Variants in LYST observed in about 807,000 individuals in gnomAD.
The protein encoded by LYST is lysosomal trafficking regulator.
In LYST, 192 loss-of-function variants were observed where a neutral mutation model predicts 413.6. That is an observed-to-expected ratio of 0.46 (90% CI 0.41 to 0.52). LYST has a LOEUF of 0.52. LYST is among the 20% of genes least tolerant of loss of function. The pLI is 0.00. For missense variants in LYST, 3,815 were observed against 4,499.9 expected (o/e 0.85, Z 4.35); for synonymous variants, 1,525 against 1,567.3 (o/e 0.97, Z 0.64).
chr1:235,720,851 C>A lies in LYST; in HGVS notation c.9370G>T (p.Glu3124Ter). ...GTCAGAGCGGTGATGTTACCATATT[C>A]CAGAAGATTAGGGAGGTTATTTGTG... ...ILTNNLPNLL[E>*]YGNITALTNL... Residue 3124 changes from glutamate to a stop codon, truncating the protein, a stop_gained, in exon 40 of 53, where the codon GAA becomes TAA. Coordinates refer to ENST00000389793, the MANE Select transcript of LYST (RefSeq NM_000081.4). LOFTEE classifies it high-confidence loss of function. 6.2e-7 allele frequency: 1 copy of A among 1,613,430 alleles called. No individual in the cohort carries two copies. The highest frequency in any genetic ancestry group is 8.5e-7 in the Non-Finnish European group (1 of 1,179,476).
intron 1 of LYST, among the ~76,000 whole-genome samples, chr1:235,846,590 A>C (rs1677907058): frequency 6.6e-6 from 1 of 152,194 alleles, no homozygotes; most frequent in Admixed American, 6.5e-5. Context: ...GGGACCAGAG[A>C]AAGGTGAAGC....
At chr1:235,707,387 G>A (rs1463035590) in intron 44 of LYST, among the ~76,000 whole-genome samples, 1 of 152,162 alleles carries the variant, frequency 6.6e-6, no homozygotes, top group Non-Finnish European at 1.5e-5. Context: ...AGCACTTTGG[G>A]AGGCTGAGGT....
intron 26 of LYST, among the ~76,000 whole-genome samples, chr1:235,752,642 T>TA (rs1469216081): frequency 1.3e-5 from 2 of 152,070 alleles, no homozygotes; most frequent in Non-Finnish European, 2.9e-5. Context: ...TTTTTAGGAC[T>TA]AAAAGAGGTA....
At position 235,808,911 on chromosome 1, in the gene LYST, G is replaced by A. The variant is rs201461433; in HGVS notation, c.1907C>T (p.Ala636Val). The A allele has an allele frequency of 1.2e-6, 2 of 1,612,534 alleles. No individual in the cohort carries two copies. The highest frequency in any genetic ancestry group is 2.2e-5 in the East Asian group (1 of 44,856). The change falls in exon 5 of 53, where the codon GCT (alanine) becomes GTT (valine). Residue 636 changes from alanine (A) to valine (V), a missense_variant. Transcript: ENST00000389793. The part of the protein sequence containing the change: ...AEISPKIKKA[A>V]CNICTVDSDQ... ...AGAGTCAACAGTACAAATATTACAA[G>A]CTGCTTTTTTAATTTTTGGTGATAT...
intron 1 of LYST, among the ~76,000 whole-genome samples, chr1:235,850,005 T>C (rs142973884): frequency 1.5e-4 from 23 of 151,934 alleles, no homozygotes; most frequent in African/African-American, 5.6e-4. Flanking sequence ...CTATCATTCT[T>C]CACAGAATTA....
At chr1:235,702,614 G>C in intron 45 of LYST, 133 bp downstream of exon 45, 1 of 771,356 alleles carries the variant, frequency 1.3e-6, no homozygotes, top group East Asian at 2.6e-5. Context: ...TGCTTTCGCT[G>C]CTGCACCTGT....
intron 31 of LYST, chr1:235,738,292 C>G: frequency 1.2e-6 from 2 of 1,611,704 alleles, no homozygotes; most frequent in Non-Finnish European, 1.7e-6. Context: ...ACGGCTGAGG[C>G]ACATCGCAAG....
intron 45 of LYST, among the ~76,000 whole-genome samples, chr1:235,699,889 CA>C (rs1288577943): frequency 6.6e-6 from 1 of 152,144 alleles, no homozygotes; most frequent in Admixed American, 6.6e-5. Context: ...CCAACACAGA[CA>C]TATAGACCAA....
chr1:235,768,608 A>G (rs1668360682), intron 20 of LYST, among the ~76,000 whole-genome samples: 2 of 152,064 alleles, frequency 1.3e-5, no homozygotes, highest in African/African-American at 4.8e-5. Context: ...ACATGTAAAG[A>G]AAAAAATTTG....
At chr1:235,671,450 A>G (rs1433819805) in intron 50 of LYST, among the ~76,000 whole-genome samples, 1 of 152,180 alleles carries the variant, frequency 6.6e-6, no homozygotes, top group Non-Finnish European at 1.5e-5. Context: ...ACTGATTTGT[A>G]TATGTTGAAT....
intron 10 of LYST, among the ~76,000 whole-genome samples, chr1:235,796,802 C>A (rs1321280161): frequency 6.6e-6 from 1 of 152,218 alleles, no homozygotes; most frequent in Non-Finnish European, 1.5e-5. Context: ...AAATAAATTT[C>A]TGTTCATTAC....
intron 50 of LYST, among the ~76,000 whole-genome samples, chr1:235,668,969 T>G (rs1301901650): frequency 6.6e-6 from 1 of 152,260 alleles, no homozygotes; most frequent in Non-Finnish European, 1.5e-5. Flanking sequence ...ATCTGAAATC[T>G]AATCATGACT....
chr1:235,855,611 C>T (rs1270393337), intron 1 of LYST, among the ~76,000 whole-genome samples: 3 of 152,024 alleles, frequency 2.0e-5, no homozygotes. Flanking sequence ...AGCTTGGAGC[C>T]TTATCCTAAA....
chr1:235,857,719 A>G (rs771372992), intron 1 of LYST, among the ~76,000 whole-genome samples: 20 of 146,460 alleles, frequency 1.4e-4, no homozygotes, highest in African/African-American at 7.5e-5. Flanking sequence ...ACACACACGT[A>G]TATATACACA....
intron 48 of LYST, among the ~76,000 whole-genome samples, chr1:235,684,223 C>G (rs969984130): frequency 1.3e-5 from 2 of 152,112 alleles, no homozygotes; most frequent in African/African-American, 2.4e-5. Context: ...CCTATAGTGA[C>G]AGCTTAACCT....
In LYST at chr1:235,686,886, T is replaced by C. The variant is rs1327696963; in HGVS notation, c.10800+63A>G. 11 of 1,183,308 alleles carry C rather than the reference T, an allele frequency of 9.3e-6. No individual in the cohort carries two copies. Among genetic ancestry groups the C allele is most frequent in the African/African-American group, 7.5e-5 (5 of 66,582 alleles). 73.3% of individuals were successfully genotyped at this position (1,183,308 alleles called of 1,614,324 possible). A position where few individuals can be genotyped will look rare whatever the true frequency, so the allele number is the denominator to read the frequency against. On this transcript the variant is annotated intron_variant, in intron 48 of 52. Transcript: ENST00000389793. This position sits in a 1 kb window ranked among gnomAD's most constrained non-coding sequence, Gnocchi z 4.0. ...CTTATGCAAAGTGAATTATACTTCA[T>C]AAAGGCTTTCTTCCCCTCATTGACA...
At chr1:235,863,746 C>T (rs188342673) in intron 1 of LYST, among the ~76,000 whole-genome samples, 2 of 151,954 alleles carry the variant, frequency 1.3e-5, no homozygotes, top group African/African-American at 4.8e-5. Flanking sequence ...AATTTTTAAC[C>T]CCCTGGTATA....
intron 14 of LYST, among the ~76,000 whole-genome samples, chr1:235,782,386 G>T (rs950473938): frequency 2.0e-5 from 3 of 151,844 alleles, no homozygotes; most frequent in Admixed American, 2.0e-4. Flanking sequence ...TGTTAGCCAG[G>T]ATGGTCTCTA....
At chr1:235,672,123 T>C (rs1225425253) in intron 50 of LYST, among the ~76,000 whole-genome samples, 1 of 152,210 alleles carries the variant, frequency 6.6e-6, no homozygotes, top group Non-Finnish European at 1.5e-5. Context: ...AGATGAGGCA[T>C]ACCAGAGAAG....
Sources: gnomAD v4.1 joint callset for allele counts (sites outside exome capture counted in the v4.1 genomes callset) on GRCh38, gnomAD v4.1.1 for gene constraint, Gnocchi (gnomAD v3.1) non-coding constraint, MANE v1.5 for transcripts, NCBI Gene and HGNC (gene_info 2026-07-23, HGNC 2026-07-21) for gene names.